The following GNG7 variants were observed in gnomAD, a reference collection of about 807,000 sequenced individuals.
The protein encoded by GNG7 is guanine nucleotide-binding protein G(I)/G(S)/G(O) subunit gamma-7.
A neutral mutation model predicts 4.0 loss-of-function variants in GNG7; 1 was observed. The observed-to-expected ratio is 0.25, with a 90% CI of 0.09 to 1.18. The LOEUF (loss-of-function observed/expected upper bound fraction) is 1.18, where lower values mean the gene tolerates loss of function less well. Among genes scored for constraint, GNG7 ranks in the 50% most tolerant of loss-of-function variants. The pLI, the probability that GNG7 is intolerant of heterozygous loss-of-function variation, is 0.50. For synonymous variants in GNG7, 34 were observed against 36.9 expected (o/e 0.92, Z 0.29); for missense variants, 86 against 91.9 (o/e 0.94, Z 0.26).
intron 3 of GNG7, among the ~76,000 whole-genome samples, chr19:2,545,419 G>A (rs905946308): frequency 2.0e-5 from 3 of 152,104 alleles, no homozygotes; most frequent in Non-Finnish European, 2.9e-5. Flanking sequence ...AGACCGAGGC[G>A]GGCGGATCAC....
At chr19:2,519,017 C>T (rs567508295) in intron 4 of GNG7, among the ~76,000 whole-genome samples, 3 of 151,856 alleles carry the variant, frequency 2.0e-5, no homozygotes, top group East Asian at 1.9e-4. Context: ...AGGCTGGTCT[C>T]GAACTCCTGA....
intron 2 of GNG7, among the ~76,000 whole-genome samples, chr19:2,559,141 C>T (rs201106479): frequency 3.8e-4 from 45 of 118,328 alleles, no homozygotes; most frequent in Admixed American, 2.7e-3. Context: ...TATATATATA[C>T]ACACACACAC....
chr19:2,695,353 C>T (rs1015824734), intron 1 of GNG7, among the ~76,000 whole-genome samples: 2 of 152,168 alleles, frequency 1.3e-5, no homozygotes, highest in Admixed American at 1.3e-4. Context: ...CCCGAGGCCC[C>T]CACCTCTGTG....
chr19:2,576,436 C>T (rs912264808), intron 2 of GNG7, among the ~76,000 whole-genome samples: 1 of 152,210 alleles, frequency 6.6e-6, no homozygotes, highest in East Asian at 1.9e-4. Context: ...CAGGGCGGGC[C>T]GCGGCAGGCG....
intron 3 of GNG7, among the ~76,000 whole-genome samples, chr19:2,540,751 C>T (rs1978934277): frequency 6.6e-6 from 1 of 152,230 alleles, no homozygotes; most frequent in African/African-American, 2.4e-5. Flanking sequence ...GGGAGACCTG[C>T]CGGAGCAAAC....
intron 2 of GNG7, among the ~76,000 whole-genome samples, chr19:2,584,287 TAAAA>T (rs71337152): frequency 9.3e-6 from 1 of 107,458 alleles, no homozygotes; most frequent in African/African-American, 3.8e-5. Context: ...CGCAAAGAAT[TAAAA>T]AAAAAAAAAA....
intron 3 of GNG7, among the ~76,000 whole-genome samples, chr19:2,542,944 G>A (rs184962138): frequency 7.1e-6 from 1 of 141,780 alleles, no homozygotes; most frequent in Non-Finnish European, 1.5e-5. Flanking sequence ...GCAGAGTCTC[G>A]CTCTGTCACC....
At chr19:2,569,961 G>C (rs1285691987) in intron 2 of GNG7, among the ~76,000 whole-genome samples, 1 of 152,130 alleles carries the variant, frequency 6.6e-6, no homozygotes. Flanking sequence ...CAGTGACATG[G>C]GGCCAATGTT....
chr19:2,614,461 A>C lies in GNG7; in HGVS notation c.-78+31763T>G, dbSNP rs1981664605. On this transcript the variant is annotated intron_variant, in intron 2 of 4. Transcript: ENST00000382159. This position sits in a 1 kb window ranked among gnomAD's most constrained non-coding sequence, Gnocchi z 6.0. Reference sequence around the variant, plus strand: ...GCTGTCACTTCCCATCCCCCTCCCCAGCCCCTGGCACCCACACATCCCCTT... The same window carrying C: ...GCTGTCACTTCCCATCCCCCTCCCCCGCCCCTGGCACCCACACATCCCCTT... 6.6e-6 allele frequency among the ~76,000 whole-genome samples: 1 copy of C among 151,174 alleles called. No individual in the cohort carries two copies.
chr19:2,601,379 C>T (rs543234990), intron 2 of GNG7, among the ~76,000 whole-genome samples: 1 of 152,228 alleles, frequency 6.6e-6, no homozygotes, highest in Admixed American at 6.5e-5. Context: ...AGTGTGTTTC[C>T]CCAGCCATGT....
rs1057182645 is a variant in GNG7 at position 2,609,484 on chromosome 19, C to T, written c.-78+36740G>A. ...GTCCGGGTAACAACTGCAGTTTAGC[C>T]GCTCACTTGCTGGAGGACCTCAGGC... On this transcript the variant is annotated intron_variant, in intron 2 of 4. Coordinates refer to ENST00000382159, the MANE Select transcript of GNG7 (RefSeq NM_052847.3). This position sits in a 1 kb window ranked among gnomAD's most constrained non-coding sequence, Gnocchi z 4.4. Among the ~76,000 whole-genome samples the T allele has an allele frequency of 9.2e-5, 14 of 152,116 alleles. No homozygotes were observed. Among genetic ancestry groups the T allele is most frequent in the African/African-American group, 3.1e-4 (13 of 41,422 alleles).
At chr19:2,556,701 C>T (rs1033913123) in intron 2 of GNG7, among the ~76,000 whole-genome samples, 20 of 152,134 alleles carry the variant, frequency 1.3e-4, no homozygotes, top group African/African-American at 4.8e-4. Flanking sequence ...CAGAGGCTCC[C>T]GGGTCTCAGC....
At chr19:2,533,808 A>G (rs770292501) in intron 3 of GNG7, among the ~76,000 whole-genome samples, 3 of 152,312 alleles carry the variant, frequency 2.0e-5, no homozygotes, top group Non-Finnish European at 4.4e-5. Context: ...AACAACAAAA[A>G]TGTTGTAGAG....
At chr19:2,558,088 A>G (rs1046047880) in intron 2 of GNG7, among the ~76,000 whole-genome samples, 2 of 151,204 alleles carry the variant, frequency 1.3e-5, no homozygotes, top group Non-Finnish European at 2.9e-5. Flanking sequence ...TGATCCGCCC[A>G]CCTCGGCCTC....
chr19:2,697,271 G>A (rs746971749), intron 1 of GNG7, among the ~76,000 whole-genome samples: 5 of 152,192 alleles, frequency 3.3e-5, no homozygotes, highest in Non-Finnish European at 7.3e-5. Context: ...CCTTTTGCGA[G>A]GTTCAAGTAA....
intron 1 of GNG7, among the ~76,000 whole-genome samples, chr19:2,661,665 T>C (rs1983182184): frequency 1.9e-5 from 2 of 107,200 alleles, no homozygotes; most frequent in Non-Finnish European, 1.8e-5. Context: ...AAAGTGAGAC[T>C]CCATTAAAAA....
At chr19:2,612,719 T>G (rs1201508724) in intron 2 of GNG7, among the ~76,000 whole-genome samples, 1 of 148,808 alleles carries the variant, frequency 6.7e-6, no homozygotes, top group Non-Finnish European at 1.5e-5. Context: ...TTTTTTTTTT[T>G]TTTTGAGAGT....
chr19:2,544,832 G>GT (rs1159704741), intron 3 of GNG7, among the ~76,000 whole-genome samples: 1 of 149,248 alleles, frequency 6.7e-6, no homozygotes, highest in Non-Finnish European at 1.5e-5. Context: ...CTCAGCAACC[G>GT]TAAGTGCCCA....
intron 3 of GNG7, among the ~76,000 whole-genome samples, chr19:2,548,805 AAAACAAAC>A (rs58406508): frequency 4.0e-5 from 6 of 148,768 alleles, no homozygotes; most frequent in African/African-American, 1.6e-4. Context: ...AAAACACAAC[AAAACAAAC>A]AAACAAACAG....
Sources: gnomAD v4.1 joint callset for allele counts (sites outside exome capture counted in the v4.1 genomes callset) on GRCh38, gnomAD v4.1.1 for gene constraint, Gnocchi (gnomAD v3.1) non-coding constraint, MANE v1.5 for transcripts, NCBI Gene and HGNC (gene_info 2026-07-23, HGNC 2026-07-21) for gene names.